ATXN2: variants seen among roughly 807,000 people sequenced by gnomAD.
ATXN2 encodes ataxin-2.
ATXN2 carries 37 observed loss-of-function variants against 138.6 expected under a neutral mutation model. The observed-to-expected ratio is 0.27, with a 90% CI of 0.21 to 0.35. The LOEUF is 0.35. Ranked by LOEUF, ATXN2 falls within the 10% of genes least tolerant of loss-of-function variation. The probability of loss-of-function intolerance (pLI) is 1.00; values close to 1 mark genes in which losing one functional copy is unlikely to be tolerated. For synonymous variants in ATXN2, 549 were observed against 543.7 expected (o/e 1.01, Z -0.13); for missense variants, 1,216 against 1,480.3 (o/e 0.82, Z 2.93).
intron 18 of ATXN2, among the ~76,000 whole-genome samples, chr12:111,484,642 G>C (rs189704004): frequency 3.1e-4 from 47 of 152,140 alleles, no homozygotes; most frequent in African/African-American, 9.4e-4. Flanking sequence ...CGCCATGTTG[G>C]CCAGGCTGGT....
chr12:111,540,443 C>A (rs1195548321), intron 5 of ATXN2, among the ~76,000 whole-genome samples: 4 of 150,576 alleles, frequency 2.7e-5, no homozygotes, highest in African/African-American at 9.7e-5. Flanking sequence ...TCCCTCAGTA[C>A]CACTAAGTAG....
At chr12:111,513,626 T>C (rs1403392386) in intron 10 of ATXN2, 87 bp from the exon 11 acceptor site, 3 of 1,118,690 alleles carry the variant, frequency 2.7e-6, no homozygotes, top group Non-Finnish European at 3.7e-6. Context: ...CACACACACA[T>C]GCACACACAC....
chr12:111,573,772 T>C (rs1021400974), intron 1 of ATXN2, among the ~76,000 whole-genome samples: 4 of 151,972 alleles, frequency 2.6e-5, no homozygotes, highest in African/African-American at 7.2e-5. Context: ...TGAAACCTAA[T>C]AGGCACACAA....
At chr12:111,580,396 G>A (rs990373528) in intron 1 of ATXN2, among the ~76,000 whole-genome samples, 2 of 151,656 alleles carry the variant, frequency 1.3e-5, no homozygotes, top group Non-Finnish European at 2.9e-5. Context: ...AAGCTGAGGT[G>A]GGATGATGGG....
At chr12:111,503,885 C>T (rs1043051250) in intron 14 of ATXN2, among the ~76,000 whole-genome samples, 6 of 152,096 alleles carry the variant, frequency 3.9e-5, no homozygotes, top group Non-Finnish European at 8.8e-5. Context: ...CCACCGTGCC[C>T]GGCCCACTCT....
chr12:111,474,475 T>C (rs539667224), intron 18 of ATXN2, among the ~76,000 whole-genome samples: 1 of 152,186 alleles, frequency 6.6e-6, no homozygotes, highest in South Asian at 2.1e-4. Context: ...CAAGGTGGCA[T>C]GTGCCTGTAG....
intron 1 of ATXN2, among the ~76,000 whole-genome samples, chr12:111,595,605 G>GC (rs1040967602): frequency 6.8e-6 from 1 of 146,876 alleles, no homozygotes; most frequent in Non-Finnish European, 1.5e-5. Context: ...TCGTACCACT[G>GC]CACTTCAGAC....
intron 1 of ATXN2, among the ~76,000 whole-genome samples, chr12:111,560,445 A>C (rs1882620015): frequency 6.6e-6 from 1 of 152,194 alleles, no homozygotes; most frequent in African/African-American, 2.4e-5. Flanking sequence ...AAGGACACCA[A>C]GAAATGACTA....
chr12:111,533,473 T>C (rs1365541940), intron 5 of ATXN2, among the ~76,000 whole-genome samples: 3 of 152,184 alleles, frequency 2.0e-5, no homozygotes, highest in Admixed American at 6.5e-5. Context: ...AAAAAAAGTC[T>C]GTACATGTTC....
chr12:111,525,380 G>A, intron 5 of ATXN2, 64 bp from the exon 6 acceptor site: 1 of 1,403,100 alleles, frequency 7.1e-7, no homozygotes, highest in Admixed American at 2.7e-5. Context: ...TCACACACGT[G>A]AATTACCAAC....
At chr12:111,589,018 A>AAAAAAAAAAAAAAAAAC in intron 1 of ATXN2, among the ~76,000 whole-genome samples, 1 of 138,924 alleles carries the variant, frequency 7.2e-6, no homozygotes, top group Non-Finnish European at 1.5e-5. Context: ...AAAAAAAAAA[A>AAAAAAAAAAAAAAAAAC]AAAAAACTAA....
intron 1 of ATXN2, among the ~76,000 whole-genome samples, chr12:111,596,692 T>C (rs532080462): frequency 2.7e-4 from 41 of 152,322 alleles, no homozygotes; most frequent in African/African-American, 8.4e-4. Flanking sequence ...ATTTCACCTA[T>C]TCATCAGAAA....
intron 21 of ATXN2, chr12:111,457,573 G>A: frequency 2.1e-6 from 1 of 469,996 alleles, no homozygotes; most frequent in South Asian, 4.7e-5. Context: ...ATATAATACA[G>A]CTCTACATAT....
chr12:111,508,059 G>A (rs1879274181), intron 14 of ATXN2, among the ~76,000 whole-genome samples: 1 of 151,774 alleles, frequency 6.6e-6, no homozygotes, highest in African/African-American at 2.4e-5. Context: ...GAAAACCAGA[G>A]ACCTTTGTTC....
chr12:111,556,034 A>C (rs1385551074), intron 1 of ATXN2, 115 bp from the exon 2 acceptor site: 1 of 835,688 alleles, frequency 1.2e-6, no homozygotes, highest in Non-Finnish European at 1.8e-6. Flanking sequence ...CTGTGGGGAG[A>C]GCTCACCTAA....
chr12:111,476,184 C>T (rs1359916544), intron 18 of ATXN2, among the ~76,000 whole-genome samples: 1 of 152,176 alleles, frequency 6.6e-6, no homozygotes, highest in Non-Finnish European at 1.5e-5. Flanking sequence ...AACTCCTGGC[C>T]TCAAGCGATC....
chr12:111,591,993 A>C (rs1884688557), intron 1 of ATXN2, among the ~76,000 whole-genome samples: 1 of 151,764 alleles, frequency 6.6e-6, no homozygotes, highest in Non-Finnish European at 1.5e-5. Context: ...GAGGCAGGAG[A>C]ATCGCTTGAA....
intron 1 of ATXN2, among the ~76,000 whole-genome samples, chr12:111,574,716 C>A (rs1236695056): frequency 6.6e-6 from 1 of 152,040 alleles, no homozygotes; most frequent in Non-Finnish European, 1.5e-5. Flanking sequence ...AGCCACTGTG[C>A]CCAGCCAAAA....
intron 23 of ATXN2, chr12:111,454,306 G>A (rs1472372304): frequency 6.5e-6 from 1 of 153,480 alleles, no homozygotes; most frequent in Non-Finnish European, 1.5e-5. Flanking sequence ...TTAATAAGCA[G>A]AGACTGTCAC....
Sources: allele counts gnomAD v4.1 joint callset (sites outside exome capture counted in the v4.1 genomes callset), GRCh38; gene constraint gnomAD v4.1.1; transcripts MANE v1.5; gene names NCBI Gene and HGNC (gene_info 2026-07-23, HGNC 2026-07-21).